ATP8B1: variants seen among roughly 807,000 people sequenced by gnomAD.
ATP8B1 encodes the protein ATPase phospholipid transporting 8B1.
In ATP8B1, 80 loss-of-function variants were observed where a neutral mutation model predicts 149.9. The observed-to-expected ratio is 0.53, with a 90% CI of 0.45 to 0.64. The LOEUF is 0.64. ATP8B1 is among the 30% of genes least tolerant of loss of function. The probability of loss-of-function intolerance (pLI) is 0.00; values close to 1 mark genes in which losing one functional copy is unlikely to be tolerated. For synonymous variants in ATP8B1, 536 were observed against 562.8 expected (o/e 0.95, Z 0.67); for missense variants, 1,247 against 1,552.6 (o/e 0.80, Z 3.31).
At chr18:57,666,510 G>A (rs1910865278) in intron 20 of ATP8B1, among the ~76,000 whole-genome samples, 2 of 144,940 alleles carry the variant, frequency 1.4e-5, no homozygotes, top group Non-Finnish European at 3.0e-5. Context: ...GGCTTTTTAC[G>A]GAATTTTTAG....
At chr18:57,734,551 A>G (rs2079826711) in intron 1 of ATP8B1, among the ~76,000 whole-genome samples, 1 of 152,110 alleles carries the variant, frequency 6.6e-6, no homozygotes, top group African/African-American at 2.4e-5. Context: ...ATGTCTATTC[A>G]TGTCCTTTGC....
chr18:57,684,779 G>C (rs1912149271), intron 14 of ATP8B1, among the ~76,000 whole-genome samples: 1 of 152,130 alleles, frequency 6.6e-6, no homozygotes, highest in Non-Finnish European at 1.5e-5. Context: ...GATAAAATGA[G>C]GTCATACTCA....
chr18:57,686,936 C>T (rs1912280150), intron 13 of ATP8B1, among the ~76,000 whole-genome samples: 1 of 152,130 alleles, frequency 6.6e-6, no homozygotes, highest in South Asian at 2.1e-4. Flanking sequence ...CTTCAACTCC[C>T]AGGCTTAAGG....
intron 11 of ATP8B1, among the ~76,000 whole-genome samples, chr18:57,692,557 T>C (rs1309337344): frequency 6.7e-6 from 1 of 148,182 alleles, no homozygotes; most frequent in Non-Finnish European, 1.5e-5. Context: ...TGCTTCAGCC[T>C]CCTGAGTAGC....
At chr18:57,679,484 CCTT>C (rs904123751) in intron 15 of ATP8B1, among the ~76,000 whole-genome samples, 1 of 151,468 alleles carries the variant, frequency 6.6e-6, no homozygotes, top group African/African-American at 2.5e-5. Context: ...ACCAGAAAGA[CCTT>C]CTTTTTCTTT....
intron 2 of ATP8B1, 59 bp from the exon 3 acceptor site, chr18:57,706,646 A>T (rs1472091256): frequency 7.4e-7 from 1 of 1,348,130 alleles, no homozygotes; most frequent in East Asian, 2.4e-5. Context: ...TTATGAGTTG[A>T]ATTGTGTCTT....
chr18:57,668,744 C>T, intron 18 of ATP8B1: 1 of 519,132 alleles, frequency 1.9e-6, no homozygotes, highest in Non-Finnish European at 3.4e-6. Context: ...AACTTTTTCC[C>T]TAAAGGATGA....
At chr18:57,744,199 C>T (rs1264622180) in intron 1 of ATP8B1, among the ~76,000 whole-genome samples, 2 of 150,852 alleles carry the variant, frequency 1.3e-5, no homozygotes, top group Non-Finnish European at 2.9e-5. Flanking sequence ...CCTGTAGTCC[C>T]AGCTACTTGG....
At chr18:57,717,844 T>C (rs376644795) in intron 2 of ATP8B1, among the ~76,000 whole-genome samples, 52 of 150,876 alleles carry the variant, frequency 3.4e-4, no homozygotes, top group African/African-American at 8.7e-4. Flanking sequence ...CAAGCAATTC[T>C]TGTGCCTCAG....
chr18:57,656,901 GT>G (rs1910041459), intron 22 of ATP8B1, among the ~76,000 whole-genome samples: 1 of 152,002 alleles, frequency 6.6e-6, no homozygotes, highest in African/African-American at 2.4e-5. Context: ...GGGGTTCCTG[GT>G]GCAAATCTAT....
chr18:57,753,471 C>T (rs1413525056), intron 1 of ATP8B1, among the ~76,000 whole-genome samples: 2 of 148,160 alleles, frequency 1.3e-5, no homozygotes, highest in Non-Finnish European at 3.0e-5. Context: ...TTCACATAAA[C>T]CAATGTATTA....
Position 57,701,330 on chromosome 18 carries a change from G to A in ATP8B1, c.394-17C>T. 4 of 1,600,996 alleles carry A rather than the reference G, an allele frequency of 2.5e-6. No homozygotes were observed. Among genetic ancestry groups the A allele is most frequent in the Non-Finnish European group, 3.4e-6 (4 of 1,168,118 alleles). On this transcript the variant is annotated splice_polypyrimidine_tract_variant and intron_variant, in intron 4 of 27. Coordinates refer to ENST00000648908, the MANE Select transcript of ATP8B1 (RefSeq NM_001374385.1). ...AGGAACTGCCTAAAAGAATAAAAGGGCTTATGTGTGTGTCCATGAAGGCAT... is the reference window on the plus strand; with the variant it reads ...AGGAACTGCCTAAAAGAATAAAAGGACTTATGTGTGTGTCCATGAAGGCAT...
chr18:57,796,907 TC>T (rs2123469206), intron 1 of ATP8B1, among the ~76,000 whole-genome samples: 2 of 152,320 alleles, frequency 1.3e-5, no homozygotes, highest in South Asian at 4.1e-4. Flanking sequence ...TGCCTTGTCT[TC>T]CCAAAGTGCT....
intron 1 of ATP8B1, among the ~76,000 whole-genome samples, chr18:57,767,390 C>G (rs997023740): frequency 1.3e-5 from 2 of 152,300 alleles, no homozygotes; most frequent in Middle Eastern, 3.4e-3. Flanking sequence ...TGGCCACGAG[C>G]CATGTGTGGC....
chr18:57,727,812 C>A (rs1043906676), intron 2 of ATP8B1, among the ~76,000 whole-genome samples: 36 of 151,866 alleles, frequency 2.4e-4, no homozygotes, highest in African/African-American at 8.7e-4. Flanking sequence ...AAACAAACAA[C>A]AAGAAAACTC....
chr18:57,652,796 T>C (rs1452828180), intron 24 of ATP8B1, 67 bp from the exon 25 acceptor site: 3 of 1,600,412 alleles, frequency 1.9e-6, no homozygotes, highest in Admixed American at 1.7e-5. Context: ...TATGTTATAA[T>C]TAATATCTCA....
At chr18:57,790,343 A>C (rs2080452061) in intron 1 of ATP8B1, among the ~76,000 whole-genome samples, 1 of 150,632 alleles carries the variant, frequency 6.6e-6, no homozygotes. Flanking sequence ...CATTCCCCAT[A>C]TCGCAGTCTC....
intron 15 of ATP8B1, among the ~76,000 whole-genome samples, chr18:57,679,750 C>T (rs919823053): frequency 1.1e-4 from 16 of 152,070 alleles, no homozygotes; most frequent in African/African-American, 2.7e-4. Flanking sequence ...CAGCAACCTC[C>T]GCCTCGCGGG....
At chr18:57,766,701 G>A (rs753397266) in intron 1 of ATP8B1, among the ~76,000 whole-genome samples, 2 of 152,198 alleles carry the variant, frequency 1.3e-5, no homozygotes, top group Non-Finnish European at 2.9e-5. Flanking sequence ...GGTGATGCCA[G>A]TGCTGCCGGT....
Sources: gnomAD v4.1 joint callset for allele counts (sites outside exome capture counted in the v4.1 genomes callset) on GRCh38, gnomAD v4.1.1 for gene constraint, MANE v1.5 for transcripts, NCBI Gene and HGNC (gene_info 2026-07-23, HGNC 2026-07-21) for gene names.